The following MX2 variants were observed in gnomAD, a reference collection of about 807,000 sequenced individuals.
MX2 encodes interferon-induced GTP-binding protein Mx2.
MX2 carries 51 observed loss-of-function variants against 74.0 expected under a neutral mutation model. That is an observed-to-expected ratio of 0.69 (90% CI 0.55 to 0.87). The LOEUF (loss-of-function observed/expected upper bound fraction) is 0.87. MX2 is among the 40% of genes least tolerant of loss of function. MX2 has a pLI of 0.00. For missense variants in MX2, 832 were observed against 908.7 expected, an observed-to-expected ratio of 0.92 and a Z score of 1.09; for synonymous variants, 369 against 339.3, an observed-to-expected ratio of 1.09 and a Z score of -0.96.
chr21:41,408,354 A>T lies in MX2; in HGVS notation c.*121A>T, dbSNP rs1024342388. The T allele has an allele frequency of 2.2e-6, 3 of 1,335,940 alleles. No individual in the cohort carries two copies. In the African/African-American group the frequency reaches 4.4e-5, roughly 20 times the overall value. 82.8% of individuals were successfully genotyped at this position (1,335,940 alleles called of 1,614,324 possible). A position where few individuals can be genotyped will look rare whatever the true frequency, so the allele number is the denominator to read the frequency against. Reference sequence around the variant, plus strand: ...TCTGTCACTATCAGTGTCCATCTCTACTGTACTCCCTCAGCATCAGAGCAT... The same window carrying T: ...TCTGTCACTATCAGTGTCCATCTCTTCTGTACTCCCTCAGCATCAGAGCAT... On this transcript the variant is annotated 3_prime_UTR_variant, in exon 14 of 14. Coordinates refer to ENST00000330714, the MANE Select transcript of MX2 (RefSeq NM_002463.2).
Position 41,408,141 on chromosome 21 carries a change from G to A in MX2, c.2056G>A (p.Ala686Thr), listed in dbSNP as rs148873850. ...SWLLQEQSET[A>T]TKRRILKERI... ...GCTGCTTCAAGAGCAGAGTGAGACC[G>A]CTACCAAGAGAAGAATCCTTAAGGA... is the stretch of plus-strand genomic sequence containing the variant. Residue 686 changes from alanine (A) to threonine (T), a missense_variant, in exon 14 of 14, where the codon GCT (alanine) becomes ACT (threonine). Coordinates refer to ENST00000330714, the MANE Select transcript of MX2 (RefSeq NM_002463.2). 1,147 of 1,614,184 alleles carry A rather than the reference G, an allele frequency of 7.1e-4. 3 individuals carry two copies. The highest frequency in any genetic ancestry group is 3.3e-3 in the South Asian group (297 of 91,080).
chr21:41,406,079 C>T (rs2089882078), intron 12 of MX2, among the ~76,000 whole-genome samples: 1 of 152,108 alleles, frequency 6.6e-6, no homozygotes, highest in African/African-American at 2.4e-5. Context: ...ACCTCTGCCT[C>T]CCAGGTTCAA....
At chr21:41,369,376 G>T (rs756820786) in intron 1 of MX2, among the ~76,000 whole-genome samples, 1 of 152,188 alleles carries the variant, frequency 6.6e-6, no homozygotes, top group Non-Finnish European at 1.5e-5. Context: ...CTCTGAGGCT[G>T]CGCGGGGAGG....
intron 3 of MX2, 44 bp downstream of exon 3, chr21:41,378,025 C>T (rs1030797661): frequency 1.5e-5 from 23 of 1,582,526 alleles, no homozygotes; most frequent in Non-Finnish European, 2.0e-5. Flanking sequence ...AGCAGCGCCA[C>T]CTGTAAGCCA....
intron 12 of MX2, among the ~76,000 whole-genome samples, chr21:41,406,249 A>G (rs1047273397): frequency 6.6e-6 from 1 of 152,212 alleles, no homozygotes; most frequent in Admixed American, 6.5e-5. Flanking sequence ...TGGCCTCCCA[A>G]AGTGCTGGGA....
intron 1 of MX2, among the ~76,000 whole-genome samples, chr21:41,371,420 G>C (rs1370185789): frequency 1.3e-5 from 2 of 152,152 alleles, no homozygotes; most frequent in Non-Finnish European, 2.9e-5. Context: ...CTTCCAAAGA[G>C]GTCTGAAAAG....
In MX2 at chr21:41,377,028, C is replaced by T; in HGVS notation, c.122C>T (p.Pro41Leu). The T allele has an allele frequency of 6.2e-7, 1 of 1,614,218 alleles. No homozygotes were observed. The highest frequency in any genetic ancestry group is 8.5e-7 in the Non-Finnish European group (1 of 1,180,042). ...CCACCGCCATTCGGCACAGTGCCAC[C>T]ACAAATGATGTTTCCTCCAAACTGG... Reference protein sequence around the residue: ...QQPPPFGTVPPQMMFPPNWQG... With the variant: ...QQPPPFGTVPLQMMFPPNWQG... The change falls in exon 2 of 14, where the codon CCA becomes CTA. Residue 41 changes from proline (P) to leucine (L), a missense_variant. Coordinates refer to ENST00000330714, the MANE Select transcript of MX2 (RefSeq NM_002463.2).
chr21:41,399,437 C>G lies in MX2; in HGVS notation c.1414+100C>G. The G allele has an allele frequency of 3.2e-6, 4 of 1,250,782 alleles. No individual in the cohort carries two copies. The South Asian group carries it at 5.9e-5, about 19-fold the overall frequency. 77.5% of individuals were successfully genotyped at this position (1,250,782 alleles called of 1,614,324 possible). A position where few individuals can be genotyped will look rare whatever the true frequency, so the allele number is the denominator to read the frequency against. ...AAGTGTGCCAAGAGTGGAACACGTC[C>G]ATCCAAGACCGTGGAACCCTTGGTA... is the stretch of plus-strand genomic sequence containing the variant. On this transcript the variant is annotated intron_variant, in intron 10 of 13. Transcript: ENST00000330714.
intron 10 of MX2, chr21:41,401,585 A>C (rs2089814969): frequency 6.2e-6 from 1 of 161,310 alleles, no homozygotes. Context: ...TATGTTGCCC[A>C]GGCTGGTCTC....
rs748611731 is a variant in MX2 at position 41,399,026 on chromosome 21, AT to A, written c.1272+10del. 5 of 1,611,786 alleles carry A rather than the reference AT, an allele frequency of 3.1e-6. No homozygotes were observed. The African/African-American group carries it at 6.7e-5, about 22-fold the overall frequency. Reference sequence around the variant, plus strand: ...GATGTTCTTTCTAATTGAGGTGAGGATTTCCGCAGGACTCCACGTGACACTG... The same window carrying A: ...GATGTTCTTTCTAATTGAGGTGAGGATTCCGCAGGACTCCACGTGACACTG... On this transcript the variant is annotated splice_region_variant and intron_variant, in intron 9 of 13. Transcript: ENST00000330714.
chr21:41,373,158 C>T lies in MX2; in HGVS notation c.-71-3678C>T, dbSNP rs896847444. On this transcript the variant is annotated intron_variant, in intron 1 of 13. Transcript: ENST00000330714. ...CACCAAAAAAGGTGGCAGTGTCTCCCGGCTGGGTGTCCAGAGCCTGGCACA... is the reference window on the plus strand; with the variant it reads ...CACCAAAAAAGGTGGCAGTGTCTCCTGGCTGGGTGTCCAGAGCCTGGCACA... Among the ~76,000 whole-genome samples the T allele has an allele frequency of 2.6e-5, 4 of 152,194 alleles. No individual in the cohort carries two copies. The East Asian group carries it at 5.8e-4, about 22-fold the overall frequency.
In MX2 at chr21:41,408,240, G is replaced by A. The variant is rs372353635; in HGVS notation, c.*7G>A. The A allele has an allele frequency of 1.4e-5, 23 of 1,613,120 alleles. No homozygotes were observed. Among genetic ancestry groups the A allele is most frequent in the Non-Finnish European group, 1.9e-5 (22 of 1,179,310 alleles). The stretch of plus-strand genomic sequence containing the variant: ...CAGCAAAGAGATCCACTGAAGGGCG[G>A]CGATGCCTGTGGTTGTTTTCTTGTG... On this transcript the variant is annotated 3_prime_UTR_variant, in exon 14 of 14. Transcript: ENST00000330714.
chr21:41,407,207 A>G (rs922131270), intron 13 of MX2, among the ~76,000 whole-genome samples: 2 of 152,246 alleles, frequency 1.3e-5, no homozygotes, highest in South Asian at 2.1e-4. Flanking sequence ...TAATTTGCCC[A>G]CAATCAATTT....
At chr21:41,376,774 G>C in intron 1 of MX2, 62 bp from the exon 2 acceptor site, 1 of 1,371,544 alleles carries the variant, frequency 7.3e-7, no homozygotes, top group Non-Finnish European at 1.0e-6. Flanking sequence ...GTTGGCAAAA[G>C]TGCCAACTCA....
At chr21:41,382,115 A>G (rs1251849488) in intron 4 of MX2, among the ~76,000 whole-genome samples, 2 of 152,222 alleles carry the variant, frequency 1.3e-5, no homozygotes, top group East Asian at 3.8e-4. Context: ...CTCACTGGAA[A>G]ATGCTAAAAA....
Position 41,376,715 on chromosome 21 carries a change from T to C in MX2, c.-71-121T>C, listed in dbSNP as rs535359959. The C allele has an allele frequency of 5.6e-5, 39 of 694,336 alleles. No homozygotes were observed. In the African/African-American group the frequency reaches 6.6e-4, roughly 12 times the overall value. The allele number at this position is 694,336 out of a possible 1,614,324, so 43.0% of individuals were successfully genotyped here. A position where few individuals can be genotyped will look rare whatever the true frequency, so the allele number is the denominator to read the frequency against. ...CAGGGGCCCTGCACTGGACCCCTGGTCTCTGCATCTGTGTGTAGGGGGTAG... is the reference window on the plus strand; with the variant it reads ...CAGGGGCCCTGCACTGGACCCCTGGCCTCTGCATCTGTGTGTAGGGGGTAG... On this transcript the variant is annotated intron_variant, in intron 1 of 13. Coordinates refer to ENST00000330714, the MANE Select transcript of MX2 (RefSeq NM_002463.2).
intron 1 of MX2, among the ~76,000 whole-genome samples, chr21:41,369,720 G>A (rs1037505826): frequency 6.6e-6 from 1 of 152,086 alleles, no homozygotes; most frequent in African/African-American, 2.4e-5. Context: ...TTCGGTAGAA[G>A]CCAGGGCCAC....
At chr21:41,385,710 G>A (rs768236171) in intron 5 of MX2, among the ~76,000 whole-genome samples, 1 of 152,052 alleles carries the variant, frequency 6.6e-6, no homozygotes, top group Non-Finnish European at 1.5e-5. Context: ...GGTGCCTCAG[G>A]GAATAGAGAG....
Position 41,380,004 on chromosome 21 carries a change from A to G in MX2, c.443-13A>G, listed in dbSNP as rs1418398281. 1 of 1,613,012 alleles carries G rather than the reference A, an allele frequency of 6.2e-7. No homozygotes were observed. Among genetic ancestry groups the G allele is most frequent in the Non-Finnish European group, 8.5e-7 (1 of 1,179,530 alleles). The stretch of plus-strand genomic sequence containing the variant: ...AAAGGAAACTGAGGATATTTGGGGA[A>G]CCTCTCGCTCAGGAATCGTAACCAG... On this transcript the variant is annotated splice_polypyrimidine_tract_variant and intron_variant, in intron 3 of 13. Coordinates refer to ENST00000330714, the MANE Select transcript of MX2 (RefSeq NM_002463.2). The surrounding 1 kb of genome is among the most constrained non-coding windows in gnomAD (Gnocchi z 4.3).
Sources: allele counts gnomAD v4.1 joint callset (sites outside exome capture counted in the v4.1 genomes callset), GRCh38; gene constraint gnomAD v4.1.1; non-coding constraint Gnocchi (gnomAD v3.1); transcripts MANE v1.5; gene names NCBI Gene and HGNC (gene_info 2026-07-23, HGNC 2026-07-21).